MTUS2: variants seen among roughly 807,000 people sequenced by gnomAD.
MTUS2 encodes microtubule-associated tumor suppressor candidate 2.
Under a neutral mutation model 114.1 loss-of-function variants are expected in MTUS2, and 40 were observed. The observed-to-expected ratio is 0.35, with a 90% CI of 0.27 to 0.46. The LOEUF (loss-of-function observed/expected upper bound fraction) is 0.46. Among genes scored for constraint, MTUS2 ranks in the 20% least tolerant of loss-of-function variants. The pLI, the probability that MTUS2 is intolerant of heterozygous loss-of-function variation, is 1.00. For missense variants in MTUS2, 1,679 were observed against 1,705.4 expected (o/e 0.98, Z 0.27); for synonymous variants, 688 against 672.0 (o/e 1.02, Z -0.37).
intron 5 of MTUS2, among the ~76,000 whole-genome samples, chr13:29,191,739 C>T (rs181031594): frequency 6.6e-5 from 10 of 152,196 alleles, no homozygotes; most frequent in African/African-American, 1.9e-4. Context: ...ATCAGCCCCA[C>T]GAAGAAAAAT....
intron 5 of MTUS2, among the ~76,000 whole-genome samples, chr13:29,122,210 T>C (rs1891338957): frequency 6.6e-6 from 1 of 152,160 alleles, no homozygotes; most frequent in Non-Finnish European, 1.5e-5. Context: ...GGGCTAAGTT[T>C]CACTTGGGCC....
intron 6 of MTUS2, chr13:29,307,809 TGAGAGCACAA>T: frequency 1.1e-6 from 1 of 876,570 alleles, no homozygotes; most frequent in Non-Finnish European, 1.9e-6. Context: ...CCAGCCCCAG[TGAGAGCACAA>T]GAGGAAGAGA....
chr13:29,193,348 A>G (rs1894526363), intron 5 of MTUS2, among the ~76,000 whole-genome samples: 1 of 152,082 alleles, frequency 6.6e-6, no homozygotes, highest in South Asian at 2.1e-4. Flanking sequence ...GAGTCTTAAG[A>G]GCTACAGTAG....
At chr13:29,136,896 T>C (rs377684632) in intron 5 of MTUS2, among the ~76,000 whole-genome samples, 4 of 152,330 alleles carry the variant, frequency 2.6e-5, no homozygotes, top group African/African-American at 9.6e-5. Context: ...ACCAGTCTTA[T>C]GGGACTAAGT....
At chr13:28,828,583 C>T (rs997756859) in intron 1 of MTUS2, among the ~76,000 whole-genome samples, 10 of 152,108 alleles carry the variant, frequency 6.6e-5, no homozygotes, top group African/African-American at 2.4e-4. Flanking sequence ...GAAATCTTTA[C>T]AATTTATGTT....
chr13:28,981,867 G>A (rs1184290853), intron 2 of MTUS2, among the ~76,000 whole-genome samples: 1 of 152,186 alleles, frequency 6.6e-6, no homozygotes, highest in African/African-American at 2.4e-5. Flanking sequence ...GCCCACCATT[G>A]TGTCACCCCG....
At chr13:29,300,658 A>C (rs1015576445) in intron 6 of MTUS2, among the ~76,000 whole-genome samples, 5 of 152,152 alleles carry the variant, frequency 3.3e-5, no homozygotes, top group African/African-American at 9.7e-5. Context: ...AGAAATGCCA[A>C]ATACTAAGAG....
chr13:29,116,637 C>T (rs560560387), intron 5 of MTUS2, among the ~76,000 whole-genome samples: 7 of 152,280 alleles, frequency 4.6e-5, no homozygotes, highest in Non-Finnish European at 8.8e-5. Context: ...CAGCCCGTCA[C>T]TCTTCTTGCA....
At chr13:29,359,688 G>A (rs1870068701) in intron 8 of MTUS2, among the ~76,000 whole-genome samples, 1 of 152,164 alleles carries the variant, frequency 6.6e-6, no homozygotes, top group South Asian at 2.1e-4. Flanking sequence ...GTCTGGGAAG[G>A]ATCATTAATA....
chr13:28,899,121 T>C lies in MTUS2; in HGVS notation c.-243+59271T>C, dbSNP rs115333333. ...TTTTCTGTTTTGAGGTAATTGTAGA[T>C]TCACATGCAGTTGCAAGAAATAATA... On this transcript the variant is annotated intron_variant, in intron 2 of 15. Transcript: ENST00000612955. 5.2e-3 allele frequency among the ~76,000 whole-genome samples: 792 copies of C among 152,326 alleles called. 5 individuals are homozygous for C. The highest frequency in any genetic ancestry group is 0.018 in the African/African-American group (754 of 41,560).
chr13:29,335,507 C>A (rs569565378), intron 7 of MTUS2, among the ~76,000 whole-genome samples: 2 of 152,304 alleles, frequency 1.3e-5, no homozygotes, highest in Non-Finnish European at 2.9e-5. Context: ...GACCCACACC[C>A]TATTCGTACA....
At chr13:29,208,006 A>C (rs1434376832) in intron 5 of MTUS2, among the ~76,000 whole-genome samples, 1 of 152,154 alleles carries the variant, frequency 6.6e-6, no homozygotes, top group South Asian at 2.1e-4. Flanking sequence ...GATTGGTACC[A>C]ATTCTTCTTT....
chr13:29,477,694 T>C (rs1880807118), intron 9 of MTUS2, among the ~76,000 whole-genome samples: 1 of 152,172 alleles, frequency 6.6e-6, no homozygotes, highest in South Asian at 2.1e-4. Flanking sequence ...CTACCTGTGC[T>C]CTGAAGCTTG....
intron 11 of MTUS2, among the ~76,000 whole-genome samples, chr13:29,491,642 ATGTG>A (rs966887730): frequency 1.5e-5 from 2 of 130,246 alleles, no homozygotes; most frequent in Non-Finnish European, 3.2e-5. Context: ...GTAGGTGTGT[ATGTG>A]TGTGTGGCAT....
At chr13:29,030,040 T>G (rs1195081516) in intron 3 of MTUS2, among the ~76,000 whole-genome samples, 1 of 152,214 alleles carries the variant, frequency 6.6e-6, no homozygotes, top group Admixed American at 6.5e-5. Context: ...GAAATTGATT[T>G]GGATATGTAG....
chr13:29,354,054 C>T (rs1254324101), intron 7 of MTUS2, among the ~76,000 whole-genome samples: 1 of 152,198 alleles, frequency 6.6e-6, no homozygotes, highest in East Asian at 1.9e-4. Context: ...ACTTTCTCAA[C>T]TCAGAGAAAC....
intron 2 of MTUS2, among the ~76,000 whole-genome samples, chr13:28,927,158 G>C (rs1164545119): frequency 6.6e-6 from 1 of 152,130 alleles, no homozygotes; most frequent in East Asian, 1.9e-4. Flanking sequence ...TTTTTTGGTT[G>C]ATGTAAATAG....
At chr13:29,109,974 T>G (rs980807119) in intron 5 of MTUS2, among the ~76,000 whole-genome samples, 1 of 152,226 alleles carries the variant, frequency 6.6e-6, no homozygotes, top group African/African-American at 2.4e-5. Flanking sequence ...GACATGAAAG[T>G]GGAGGTTGAT....
chr13:28,955,908 C>CT (rs1319028531), intron 2 of MTUS2, among the ~76,000 whole-genome samples: 12 of 151,522 alleles, frequency 7.9e-5, no homozygotes, highest in African/African-American at 1.9e-4. Context: ...GATGAATTTT[C>CT]TTTTTTTAAA....
Sources: gnomAD v4.1 joint callset for allele counts (sites outside exome capture counted in the v4.1 genomes callset) on GRCh38, gnomAD v4.1.1 for gene constraint, MANE v1.5 for transcripts, NCBI Gene and HGNC (gene_info 2026-07-23, HGNC 2026-07-21) for gene names.